The following LRGUK variants were observed in gnomAD, a reference collection of about 807,000 sequenced individuals.
LRGUK encodes leucine-rich repeat and guanylate kinase domain-containing protein.
A neutral mutation model predicts 76.0 loss-of-function variants in LRGUK; 65 were observed. That is an observed-to-expected ratio of 0.85 (90% CI 0.70 to 1.05). The LOEUF (loss-of-function observed/expected upper bound fraction) is 1.05, where lower values mean the gene tolerates loss of function less well. Ranked by LOEUF, LRGUK falls within the 50% of genes least tolerant of loss-of-function variation. The pLI, the probability that LRGUK is intolerant of heterozygous loss-of-function variation, is 0.00. For synonymous variants in LRGUK, 268 were observed against 265.6 expected (o/e 1.01, Z -0.09); for missense variants, 758 against 732.8 (o/e 1.03, Z -0.40).
downstream of LRGUK, among the ~76,000 whole-genome samples, chr7:134,268,580 A>G (rs1265959819): frequency 1.3e-5 from 2 of 152,128 alleles, no homozygotes; most frequent in Non-Finnish European, 2.9e-5. Context: ...CCAATTCTAT[A>G]CAATCTCTTC....
At chr7:134,223,549 C>A (rs1341494369) in intron 16 of LRGUK, among the ~76,000 whole-genome samples, 1 of 152,190 alleles carries the variant, frequency 6.6e-6, no homozygotes, top group Non-Finnish European at 1.5e-5. Flanking sequence ...TCCCATCTCA[C>A]CAGGATTTCT....
intron 16 of LRGUK, among the ~76,000 whole-genome samples, chr7:134,222,941 C>A (rs1034866683): frequency 6.6e-6 from 1 of 152,092 alleles, no homozygotes; most frequent in Non-Finnish European, 1.5e-5. Context: ...AAGTCAGAAC[C>A]ATTGGCAGTG....
At chr7:134,268,695 A>G (rs1802904353), downstream of LRGUK, among the ~76,000 whole-genome samples, 1 of 139,614 alleles carries the variant, frequency 7.2e-6, no homozygotes, top group African/African-American at 2.7e-5. Flanking sequence ...ACAAACCAAT[A>G]TCACTTATAT....
At chr7:134,263,744 G>T in intron 19 of LRGUK, 101 bp from the exon 20 acceptor site, 1 of 1,144,584 alleles carries the variant, frequency 8.7e-7, no homozygotes, top group Non-Finnish European at 1.2e-6. Context: ...TGTCATGAAC[G>T]AATTCTAGAA....
intron 16 of LRGUK, among the ~76,000 whole-genome samples, chr7:134,246,337 C>G (rs1226700049): frequency 6.6e-6 from 1 of 152,204 alleles, no homozygotes; most frequent in Admixed American, 6.6e-5. Context: ...TCTGATCTCT[C>G]TGGGATATGA....
At chr7:134,152,918 C>A (rs773320229) in intron 5 of LRGUK, among the ~76,000 whole-genome samples, 10 of 150,726 alleles carry the variant, frequency 6.6e-5, no homozygotes, top group Non-Finnish European at 1.5e-4. Context: ...TATCTACATG[C>A]ATGTAAATAT....
exon 5 of LRGUK, chr7:134,148,241 G>A: frequency 6.3e-7 from 1 of 1,597,492 alleles, no homozygotes; most frequent in Non-Finnish European, 8.5e-7. Context: ...TTGCCAGAAG[G>A]CGGATTTTTC....
chr7:134,154,444 C>T (rs1222411), intron 5 of LRGUK, among the ~76,000 whole-genome samples: 131,360 of 152,184 alleles, frequency 0.86, 57,099 homozygotes, highest in Non-Finnish European at 0.91. Context: ...TGGCCCAGGC[C>T]TGCATATTGA....
At chr7:134,253,863 G>A (rs1802507434) in intron 18 of LRGUK, among the ~76,000 whole-genome samples, 2 of 152,168 alleles carry the variant, frequency 1.3e-5, no homozygotes, top group South Asian at 4.1e-4. Flanking sequence ...TGATTAAAAT[G>A]TTAATGATAA....
intron 4 of LRGUK, among the ~76,000 whole-genome samples, chr7:134,144,977 C>A (rs879346914): frequency 5.9e-5 from 9 of 152,120 alleles, no homozygotes; most frequent in Non-Finnish European, 1.3e-4. Context: ...AACAGCATGA[C>A]CCCTACCCCA....
chr7:134,159,429 T>C (rs1009787599), intron 6 of LRGUK, among the ~76,000 whole-genome samples: 1 of 152,062 alleles, frequency 6.6e-6, no homozygotes, highest in Non-Finnish European at 1.5e-5. Flanking sequence ...TATTTAACCA[T>C]AGATCACTGA....
intron 16 of LRGUK, among the ~76,000 whole-genome samples, chr7:134,223,032 T>C (rs1801642315): frequency 6.6e-6 from 1 of 152,214 alleles, no homozygotes; most frequent in Non-Finnish European, 1.5e-5. Flanking sequence ...AGATATAGTA[T>C]GCTATATACA....
At chr7:134,268,873 G>A (rs924192983), downstream of LRGUK, among the ~76,000 whole-genome samples, 3 of 151,350 alleles carry the variant, frequency 2.0e-5, no homozygotes, top group African/African-American at 7.3e-5. Flanking sequence ...GGGACTACAG[G>A]CGCCTGCCAC....
chr7:134,261,546 G>A (rs557183044), intron 19 of LRGUK, among the ~76,000 whole-genome samples: 10 of 152,286 alleles, frequency 6.6e-5, no homozygotes, highest in African/African-American at 2.4e-4. Context: ...TCAGCCAAGT[G>A]CAGTGTCACA....
At position 134,199,503 on chromosome 7, in the gene LRGUK, G is replaced by A. The variant is rs898243181; in HGVS notation, c.1747+82G>A. 13 of 1,242,080 alleles carry A rather than the reference G, an allele frequency of 1.0e-5. No individual in the cohort carries two copies. In the African/African-American group the frequency reaches 1.7e-4, roughly 16 times the overall value. 76.9% of individuals were successfully genotyped at this position (1,242,080 alleles called of 1,614,324 possible). A position where few individuals can be genotyped will look rare whatever the true frequency, so the allele number is the denominator to read the frequency against. On this transcript the variant is annotated intron_variant, in intron 14 of 15. Coordinates refer to ENST00000645682, the Ensembl canonical transcript of LRGUK. ...TTTGTTTCATGGGGATAAAATTCTT[G>A]GGTAAAAGCTATTTTTCTTGTAACG...
At chr7:134,209,806 G>A (rs1472082917) in exon 16 of LRGUK, 1 of 399,550 alleles carries the variant, frequency 2.5e-6, no homozygotes, top group East Asian at 3.6e-5. Context: ...AGGTCAGTGA[G>A]GTGAAACTCC....
chr7:134,216,204 C>T (rs577272428), intron 15 of LRGUK, among the ~76,000 whole-genome samples: 4 of 152,118 alleles, frequency 2.6e-5, no homozygotes, highest in South Asian at 2.1e-4. Context: ...GTAAATGCTT[C>T]TATGAGTAGT....
chr7:134,174,534 A>T (rs1221555068), intron 7 of LRGUK, 22 bp from the exon 8 acceptor site: 3 of 1,478,462 alleles, frequency 2.0e-6, no homozygotes, highest in South Asian at 1.2e-5. Flanking sequence ...TCTGTTGATA[A>T]TTTTTTTCTT....
intron 16 of LRGUK, among the ~76,000 whole-genome samples, chr7:134,245,808 A>G (rs1802286282): frequency 6.6e-6 from 1 of 152,118 alleles, no homozygotes; most frequent in African/African-American, 2.4e-5. Context: ...AAACACAAAA[A>G]ATAAAGTAAA....
Sources: allele counts gnomAD v4.1 joint callset (sites outside exome capture counted in the v4.1 genomes callset), GRCh38; gene constraint gnomAD v4.1.1; transcripts MANE v1.5; gene names NCBI Gene and HGNC (gene_info 2026-07-23, HGNC 2026-07-21).